The following GPC6 variants were observed in gnomAD, a reference collection of about 807,000 sequenced individuals.
The protein encoded by GPC6 is glypican-6.
In GPC6, 14 loss-of-function variants were observed where a neutral mutation model predicts 55.2. The observed-to-expected ratio is 0.25, with a 90% CI of 0.17 to 0.40. GPC6 has a LOEUF of 0.40. Ranked by LOEUF, GPC6 falls within the 10% of genes least tolerant of loss-of-function variation. GPC6 has a pLI of 1.00. For missense variants in GPC6, 641 were observed against 708.5 expected (o/e 0.90, Z 1.08); for synonymous variants, 278 against 259.6 (o/e 1.07, Z -0.68).
At chr13:93,476,378 T>C (rs114367896) in intron 1 of GPC6, among the ~76,000 whole-genome samples, 412 of 152,224 alleles carry the variant, frequency 2.7e-3, no homozygotes, top group African/African-American at 9.4e-3. Flanking sequence ...CCTCTTGACT[T>C]CTCTCCAGTC....
chr13:94,048,478 G>A (rs920949774), intron 4 of GPC6, among the ~76,000 whole-genome samples: 6 of 151,970 alleles, frequency 3.9e-5, no homozygotes, highest in African/African-American at 7.2e-5. Context: ...AGTTGAGGAT[G>A]AGCAGTGGGC....
chr13:93,640,308 T>C lies in GPC6; in HGVS notation c.319+94887T>C, dbSNP rs535351842. Among the ~76,000 whole-genome samples the C allele has an allele frequency of 1.3e-3, 196 of 152,156 alleles. 1 individual carries two copies. Among genetic ancestry groups the C allele is most frequent in the African/African-American group, 4.6e-3 (190 of 41,534 alleles). The stretch of plus-strand genomic sequence containing the variant: ...GTGCTCTCAAGGACAATAGGAAAAA[T>C]AATTATCAAGTATTGCGTGCTTACT... On this transcript the variant is annotated intron_variant, in intron 2 of 8. Transcript: ENST00000377047.
At chr13:93,404,711 G>A (rs967480494) in intron 1 of GPC6, among the ~76,000 whole-genome samples, 4 of 151,956 alleles carry the variant, frequency 2.6e-5, no homozygotes, top group East Asian at 1.9e-4. Context: ...TCTTTCTTAC[G>A]GAGGTAATAA....
chr13:94,343,247 G>A (rs1350970997), intron 6 of GPC6, among the ~76,000 whole-genome samples: 1 of 152,132 alleles, frequency 6.6e-6, no homozygotes, highest in Non-Finnish European at 1.5e-5. Flanking sequence ...ACCAGGAGAA[G>A]CCCTGAACTA....
intron 1 of GPC6, among the ~76,000 whole-genome samples, chr13:93,238,738 C>T (rs1354015156): frequency 1.3e-5 from 2 of 151,438 alleles, no homozygotes; most frequent in African/African-American, 4.8e-5. Context: ...TCATATATGG[C>T]TTTTATTATT....
At chr13:94,006,815 G>A (rs567480108) in intron 3 of GPC6, among the ~76,000 whole-genome samples, 1 of 152,230 alleles carries the variant, frequency 6.6e-6, no homozygotes, top group South Asian at 2.1e-4. Context: ...AGTTTTAAAG[G>A]AGATTAAATA....
chr13:93,813,797 AT>A (rs60677511), intron 2 of GPC6, among the ~76,000 whole-genome samples: 58,319 of 151,124 alleles, frequency 0.39, 12,237 homozygotes, highest in African/African-American at 0.54. Context: ...TATCAAGTGT[AT>A]TTTTTTTTAA....
At chr13:93,713,164 A>T (rs1195586970) in intron 2 of GPC6, among the ~76,000 whole-genome samples, 2 of 151,648 alleles carry the variant, frequency 1.3e-5, no homozygotes, top group Non-Finnish European at 3.0e-5. Context: ...TATCCAAAAT[A>T]TAGGATTCAA....
intron 1 of GPC6, among the ~76,000 whole-genome samples, chr13:93,536,302 C>T (rs1439222636): frequency 1.3e-5 from 2 of 152,004 alleles, no homozygotes; most frequent in South Asian, 4.1e-4. Context: ...CAAGTGCATT[C>T]GTATTGTGTA....
intron 2 of GPC6, among the ~76,000 whole-genome samples, chr13:93,613,168 C>A (rs549624627): frequency 6.6e-6 from 1 of 152,150 alleles, no homozygotes; most frequent in South Asian, 2.1e-4. Context: ...GTTGCATTGG[C>A]CCCCTCTTTA....
chr13:94,395,297 G>T (rs574852850), intron 7 of GPC6, among the ~76,000 whole-genome samples: 1 of 152,172 alleles, frequency 6.6e-6, no homozygotes, highest in Non-Finnish European at 1.5e-5. Context: ...CAGAAGTTAT[G>T]CTTTATGGCA....
intron 4 of GPC6, among the ~76,000 whole-genome samples, chr13:94,112,805 T>C (rs182713596): frequency 2.0e-3 from 306 of 152,306 alleles, no homozygotes; most frequent in Non-Finnish European, 3.4e-3. Context: ...TGTCTGTAGA[T>C]ACAGATTGCC....
chr13:93,454,448 G>A (rs1396702816), intron 1 of GPC6, among the ~76,000 whole-genome samples: 5 of 127,038 alleles, frequency 3.9e-5, no homozygotes, highest in African/African-American at 1.1e-4. Flanking sequence ...GTGCAGATTG[G>A]TGTATTTACA....
At chr13:94,109,551 G>C (rs1886168044) in intron 4 of GPC6, among the ~76,000 whole-genome samples, 1 of 152,022 alleles carries the variant, frequency 6.6e-6, no homozygotes, top group Non-Finnish European at 1.5e-5. Flanking sequence ...ATATTAATGA[G>C]AAGAAAAACA....
chr13:94,296,777 G>A (rs573419723), intron 5 of GPC6, among the ~76,000 whole-genome samples: 1 of 152,290 alleles, frequency 6.6e-6, no homozygotes, highest in South Asian at 2.1e-4. Context: ...TAATGTCACT[G>A]AACACAGAGT....
At chr13:94,146,184 T>C (rs1190408055) in intron 4 of GPC6, among the ~76,000 whole-genome samples, 2 of 152,060 alleles carry the variant, frequency 1.3e-5, no homozygotes, top group Non-Finnish European at 2.9e-5. Flanking sequence ...GAAGGTGGAG[T>C]CTTCATGTTA....
At chr13:93,789,582 T>TATATATATAATACTAC in intron 2 of GPC6, among the ~76,000 whole-genome samples, 1 of 132,038 alleles carries the variant, frequency 7.6e-6, no homozygotes, top group Non-Finnish European at 1.6e-5. Context: ...ATAAATACTA[T>TATATATATAATACTAC]ATATATATAA....
chr13:93,269,664 G>A (rs189095396), intron 1 of GPC6, among the ~76,000 whole-genome samples: 77 of 151,420 alleles, frequency 5.1e-4, no homozygotes, highest in Non-Finnish European at 9.9e-4. Flanking sequence ...GGTGGCTCAC[G>A]CCTGTAATCC....
At chr13:93,362,821 A>T (rs1881089068) in intron 1 of GPC6, among the ~76,000 whole-genome samples, 1 of 152,154 alleles carries the variant, frequency 6.6e-6, no homozygotes, top group Non-Finnish European at 1.5e-5. Context: ...TTAAAGGAGT[A>T]CTCAAGTGGT....
Sources: allele counts gnomAD v4.1 joint callset (sites outside exome capture counted in the v4.1 genomes callset), GRCh38; gene constraint gnomAD v4.1.1; transcripts MANE v1.5; gene names NCBI Gene and HGNC (gene_info 2026-07-23, HGNC 2026-07-21).